CLSTN1: variants seen among roughly 807,000 people sequenced by gnomAD.
CLSTN1 encodes calsyntenin-1.
In CLSTN1, 28 loss-of-function variants were observed where a neutral mutation model predicts 108.3. That is an observed-to-expected ratio of 0.26 (90% CI 0.19 to 0.35). The LOEUF (loss-of-function observed/expected upper bound fraction) is 0.35, where lower values mean the gene tolerates loss of function less well. CLSTN1 is among the 10% of genes least tolerant of loss of function. CLSTN1 has a pLI of 1.00. For synonymous variants in CLSTN1, 524 were observed against 534.9 expected, an observed-to-expected ratio of 0.98 and a Z score of 0.28; for missense variants, 1,157 against 1,302.6, an observed-to-expected ratio of 0.89 and a Z score of 1.72.
chr1:9,809,900 C>CA (rs1360907196), intron 1 of CLSTN1, among the ~76,000 whole-genome samples: 2 of 148,786 alleles, frequency 1.3e-5, no homozygotes, highest in African/African-American at 5.0e-5. Flanking sequence ...AACTCTGTCT[C>CA]AAAAAAACTA....
chr1:9,750,491 A>G (rs550530567), intron 5 of CLSTN1, among the ~76,000 whole-genome samples: 1 of 152,046 alleles, frequency 6.6e-6, no homozygotes, highest in Non-Finnish European at 1.5e-5. Context: ...GCTGGAGTGC[A>G]GTGGCCTGAT....
chr1:9,759,311 T>C (rs566048846), intron 2 of CLSTN1, among the ~76,000 whole-genome samples: 1 of 152,388 alleles, frequency 6.6e-6, no homozygotes, highest in African/African-American at 2.4e-5. Context: ...GTCCTTGCTC[T>C]GTTGCCCAGG....
At chr1:9,749,950 C>G (rs756627396) in intron 5 of CLSTN1, 37 bp from the exon 6 acceptor site, 1 of 1,593,754 alleles carries the variant, frequency 6.3e-7, no homozygotes, top group East Asian at 2.2e-5. Flanking sequence ...GAGCCAAAAC[C>G]CATGCTGGTT....
chr1:9,764,998 CTACT>C (rs1652257144), intron 2 of CLSTN1, among the ~76,000 whole-genome samples: 1 of 152,298 alleles, frequency 6.6e-6, no homozygotes, highest in Non-Finnish European at 1.5e-5. Flanking sequence ...TAACATTCAG[CTACT>C]TACTTAAAAT....
intron 2 of CLSTN1, among the ~76,000 whole-genome samples, chr1:9,764,669 C>T (rs932648016): frequency 3.4e-5 from 5 of 146,030 alleles, no homozygotes; most frequent in Non-Finnish European, 6.1e-5. Flanking sequence ...AAAAAAGTTT[C>T]CACATGAGGT....
intron 1 of CLSTN1, among the ~76,000 whole-genome samples, chr1:9,775,595 CA>C (rs1237425357): frequency 6.6e-6 from 1 of 152,124 alleles, no homozygotes; most frequent in Admixed American, 6.6e-5. Flanking sequence ...GGCCCTGTTC[CA>C]CAGCTCAAAT....
chr1:9,772,100 C>T (rs1221511426), intron 2 of CLSTN1, among the ~76,000 whole-genome samples: 32 of 148,472 alleles, frequency 2.2e-4, no homozygotes, highest in African/African-American at 5.7e-4. Context: ...CCTCTGCCTC[C>T]GGAGTACCTA....
chr1:9,755,025 G>T, intron 4 of CLSTN1, 89 bp downstream of exon 4: 3 of 1,079,656 alleles, frequency 2.8e-6, no homozygotes, highest in Non-Finnish European at 2.7e-6. Flanking sequence ...AAACAGTCTT[G>T]GGGAGCAGGC....
At position 9,744,640 on chromosome 1, in the gene CLSTN1, G is replaced by A. The variant is rs544719240; in HGVS notation, c.989C>T (p.Ala330Val). The A allele has an allele frequency of 1.1e-5, 18 of 1,606,810 alleles. No individual in the cohort carries two copies. Among genetic ancestry groups the A allele is most frequent in the South Asian group, 5.5e-5 (5 of 90,606 alleles). The stretch of plus-strand genomic sequence containing the variant: ...CAGCAGCTCGGCAGTGCCCGCGGCC[G>A]CACCTGAAGCCACAGTGCTCGGTGA... ...SEKSLHRLCG[A>V]AAGTAELLPS... Residue 330 changes from alanine to valine, a missense_variant, in exon 8 of 19, where the codon GCG (alanine) becomes GTG (valine). Physicochemically the swap from Ala to Val is moderately conservative, Grantham distance 64. Coordinates refer to ENST00000377298, the MANE Select transcript of CLSTN1 (RefSeq NM_001009566.3).
intron 1 of CLSTN1, among the ~76,000 whole-genome samples, chr1:9,806,593 C>T (rs2101295196): frequency 6.6e-6 from 1 of 152,160 alleles, no homozygotes; most frequent in East Asian, 1.9e-4. Context: ...TAAAAATAGA[C>T]ACGAGGCCGG....
chr1:9,765,364 A>ACC (rs1652274900), intron 2 of CLSTN1, among the ~76,000 whole-genome samples: 1 of 152,010 alleles, frequency 6.6e-6, no homozygotes, highest in South Asian at 2.1e-4. Flanking sequence ...AGCCTGGGCG[A>ACC]CAAGAGCGAG....
chr1:9,734,576 A>C lies in CLSTN1; in HGVS notation c.2110+372T>G, dbSNP rs74801674. ...GGCGACAGAGTGAGACTCCATCTCAAAAAAAAAAAAAAAGGGGGGGAGTTT... is the reference window on the plus strand; with the variant it reads ...GGCGACAGAGTGAGACTCCATCTCACAAAAAAAAAAAAAGGGGGGGAGTTT... On this transcript the variant is annotated intron_variant, in intron 14 of 18. Transcript: ENST00000377298. The surrounding 1 kb of genome is among the most constrained non-coding windows in gnomAD (Gnocchi z 4.8). 6.8e-6 allele frequency among the ~76,000 whole-genome samples: 1 copy of C among 146,930 alleles called. No homozygotes were observed. The highest frequency in any genetic ancestry group is 2.5e-5 in the African/African-American group (1 of 40,010).
At chr1:9,793,034 C>T (rs973923615) in intron 1 of CLSTN1, among the ~76,000 whole-genome samples, 1 of 151,092 alleles carries the variant, frequency 6.6e-6, no homozygotes, top group Non-Finnish European at 1.5e-5. Context: ...TCTTTTGAGA[C>T]AGAGTCTCAA....
At chr1:9,740,093 G>C (rs1332716617) in intron 10 of CLSTN1, among the ~76,000 whole-genome samples, 5 of 151,746 alleles carry the variant, frequency 3.3e-5, no homozygotes, top group Non-Finnish European at 7.4e-5. Flanking sequence ...TGGGATTACA[G>C]GCGTGAGCCA....
intron 16 of CLSTN1, among the ~76,000 whole-genome samples, 199 bp from the exon 17 acceptor site, chr1:9,732,095 GAAAC>G (rs750425456): frequency 1.3e-5 from 2 of 151,688 alleles, no homozygotes; most frequent in African/African-American, 2.4e-5. Context: ...CAAAGAAAAA[GAAAC>G]AAAAACCAAA....
rs760806523 is a variant in CLSTN1 at position 9,751,474 on chromosome 1, A to T, written c.648T>A (p.Asp216Glu). The change falls in exon 5 of 19, where the codon GAT (aspartate) becomes GAA (glutamate). Residue 216 changes from aspartate (D) to glutamate (E), a missense_variant and splice_region_variant. Transcript: ENST00000377298. ...TPDVPFTVDK[D>E]GYIKNTEKLN... Reference sequence around the variant, plus strand: ...AAAAGCCGGCTCCTCGATTCTTACCATCTTTGTCAACAGTAAAGGGCACGT... The same window carrying T: ...AAAAGCCGGCTCCTCGATTCTTACCTTCTTTGTCAACAGTAAAGGGCACGT... 7 of 1,614,012 alleles carry T rather than the reference A, an allele frequency of 4.3e-6. No individual in the cohort carries two copies. In the South Asian group the frequency reaches 7.7e-5, roughly 18 times the overall value.
chr1:9,793,268 C>T lies in CLSTN1; in HGVS notation c.92-19874G>A, dbSNP rs756227700. Among the ~76,000 whole-genome samples, 4 of 151,458 alleles carry T rather than the reference C, an allele frequency of 2.6e-5. 1 individual carries two copies. Among genetic ancestry groups the T allele is most frequent in the Non-Finnish European group, 2.9e-5 (2 of 68,024 alleles). ...CGTCAGGTGATCCACCAGTCTCAGCCTCCCAAAGTGTTGGGATTACAGGCG... is the reference window on the plus strand; with the variant it reads ...CGTCAGGTGATCCACCAGTCTCAGCTTCCCAAAGTGTTGGGATTACAGGCG... On this transcript the variant is annotated intron_variant, in intron 1 of 18. Transcript: ENST00000377298.
chr1:9,777,508 G>A (rs1653013827), intron 1 of CLSTN1, among the ~76,000 whole-genome samples: 1 of 152,154 alleles, frequency 6.6e-6, no homozygotes, highest in Admixed American at 6.6e-5. Context: ...GGACAACAGA[G>A]CGAGACTATG....
intron 16 of CLSTN1, 70 bp from the exon 17 acceptor site, chr1:9,731,966 C>A (rs1650424748): frequency 6.3e-7 from 1 of 1,594,640 alleles, no homozygotes; most frequent in South Asian, 1.1e-5. Flanking sequence ...ACAGTGGAGT[C>A]CCGCAGCTGG....
Sources: allele counts gnomAD v4.1 joint callset (sites outside exome capture counted in the v4.1 genomes callset), GRCh38; gene constraint gnomAD v4.1.1; non-coding constraint Gnocchi (gnomAD v3.1); transcripts MANE v1.5; gene names NCBI Gene and HGNC (gene_info 2026-07-23, HGNC 2026-07-21).